Variants in MYCBP2 observed in about 807,000 individuals in gnomAD.
MYCBP2 encodes the protein MYC binding protein 2.
In MYCBP2, 120 loss-of-function variants were observed where a neutral mutation model predicts 525.3. That is an observed-to-expected ratio of 0.23 (90% CI 0.20 to 0.27). The LOEUF is 0.27. Among genes scored for constraint, MYCBP2 ranks in the 10% least tolerant of loss-of-function variants. MYCBP2 has a pLI of 1.00. For missense variants in MYCBP2, 4,149 were observed against 5,657.1 expected (o/e 0.73, Z 8.55); for synonymous variants, 1,894 against 1,955.8 (o/e 0.97, Z 0.83).
intron 80 of MYCBP2, among the ~76,000 whole-genome samples, chr13:77,054,228 G>A (rs777031627): frequency 3.3e-5 from 5 of 152,196 alleles, no homozygotes; most frequent in Non-Finnish European, 5.9e-5. Context: ...CTGTGCAATG[G>A]CATGGGGGTG....
rs1369377745 is a variant in MYCBP2 at position 77,217,849 on chromosome 13, T to C, written c.3048A>G (p.Gly1016=). The C allele has an allele frequency of 6.3e-7, 1 of 1,599,848 alleles. No individual in the cohort carries two copies. Among genetic ancestry groups the C allele is most frequent in the East Asian group, 2.2e-5 (1 of 44,496 alleles). ...TTTAAAAATTCCTTACAGAAAAACT[T>C]CCAAATGTGAAGACCTGTCCATCCA... ...LLMDGQVFTF[G]SFSKGQLGRP... The change falls in exon 21 of 83, where the codon GGA becomes GGG. Residue 1016 remains glycine, a synonymous_variant. Transcript: ENST00000544440.
intron 21 of MYCBP2, among the ~76,000 whole-genome samples, chr13:77,216,916 G>GA (rs572396787): frequency 5.3e-5 from 8 of 151,366 alleles, no homozygotes; most frequent in South Asian, 2.1e-4. Flanking sequence ...AAGGATTTGA[G>GA]AAAAAAAAAT....
chr13:77,226,526 T>C (rs752168468), intron 18 of MYCBP2, among the ~76,000 whole-genome samples: 3 of 152,206 alleles, frequency 2.0e-5, no homozygotes, highest in Non-Finnish European at 2.9e-5. Flanking sequence ...GTTCAACTAG[T>C]CTAAACCACT....
At chr13:77,158,922 C>T (rs1232340549) in intron 44 of MYCBP2, among the ~76,000 whole-genome samples, 1 of 152,184 alleles carries the variant, frequency 6.6e-6, no homozygotes, top group Non-Finnish European at 1.5e-5. Flanking sequence ...GAAGAAGAGG[C>T]AGATAAAACA....
At chr13:77,112,773 G>A (rs978060356) in intron 55 of MYCBP2, among the ~76,000 whole-genome samples, 4 of 152,056 alleles carry the variant, frequency 2.6e-5, no homozygotes, top group Non-Finnish European at 5.9e-5. Context: ...TATTGTGCCA[G>A]TAATTCTCCT....
intron 55 of MYCBP2, among the ~76,000 whole-genome samples, chr13:77,106,354 A>C (rs2047850053): frequency 6.6e-6 from 1 of 152,142 alleles, no homozygotes; most frequent in Non-Finnish European, 1.5e-5. Flanking sequence ...ATGTTCTATA[A>C]TCAAGCTGTG....
Position 77,212,067 on chromosome 13 carries a change from C to G in MYCBP2, c.3151G>C (p.Ala1051Pro). The change falls in exon 22 of 83, where the codon GCT becomes CCT. Residue 1051 changes from alanine to proline, a missense_variant. By Grantham distance (27) the Ala-to-Pro change is conservative. Transcript: ENST00000544440. ...TCCCCACTTGCACCTATCCAAGTAG[C>G]TTTTCTTCCATATTTTGATCCAATG... ...PNIGSKYGRK[A>P]TWIGASGDQT... 6.2e-7 allele frequency: 1 copy of G among 1,614,080 alleles called. No homozygotes were observed. The highest frequency in any genetic ancestry group is 8.5e-7 in the Non-Finnish European group (1 of 1,179,960).
intron 49 of MYCBP2, among the ~76,000 whole-genome samples, chr13:77,141,914 T>C (rs993405913): frequency 5.3e-5 from 8 of 152,162 alleles, no homozygotes; most frequent in African/African-American, 1.4e-4. Flanking sequence ...AGCCCATTGA[T>C]GGCATCGGAG....
intron 20 of MYCBP2, among the ~76,000 whole-genome samples, chr13:77,224,100 C>T (rs2065943359): frequency 6.6e-6 from 1 of 152,172 alleles, no homozygotes; most frequent in East Asian, 1.9e-4. Context: ...GAATCCATTG[C>T]TGACATTTTT....
At chr13:77,242,555 A>T (rs907662602) in intron 17 of MYCBP2, among the ~76,000 whole-genome samples, 1 of 152,206 alleles carries the variant, frequency 6.6e-6, no homozygotes, top group Non-Finnish European at 1.5e-5. Context: ...AGGTTTTTCC[A>T]AAAAAGGACA....
chr13:77,224,816 T>C (rs1024264496), intron 19 of MYCBP2, among the ~76,000 whole-genome samples: 2 of 152,164 alleles, frequency 1.3e-5, no homozygotes, highest in Non-Finnish European at 2.9e-5. Context: ...TCAGGTCAAC[T>C]GTAAAATCTT....
At chr13:77,243,296 A>C in intron 16 of MYCBP2, 136 bp from the exon 17 acceptor site, 1 of 718,776 alleles carries the variant, frequency 1.4e-6, no homozygotes, top group South Asian at 1.8e-5. Context: ...TACTTTAATA[A>C]TTCTTAGCCA....
At chr13:77,113,525 T>G (rs1468180830) in intron 55 of MYCBP2, among the ~76,000 whole-genome samples, 1 of 151,796 alleles carries the variant, frequency 6.6e-6, no homozygotes, top group Non-Finnish European at 1.5e-5. Context: ...AAGATGGTAA[T>G]GAAGGGTGAA....
At chr13:77,306,943 A>G (rs1035149775) in intron 1 of MYCBP2, among the ~76,000 whole-genome samples, 2 of 152,204 alleles carry the variant, frequency 1.3e-5, no homozygotes, top group Non-Finnish European at 2.9e-5. Flanking sequence ...TCATTAAAAT[A>G]TCTGCAGGGA....
At chr13:77,207,296 T>C (rs1427219495) in intron 23 of MYCBP2, among the ~76,000 whole-genome samples, 3 of 152,192 alleles carry the variant, frequency 2.0e-5, no homozygotes, top group East Asian at 1.9e-4. Flanking sequence ...ACAGATAGAA[T>C]GGATGTGGAT....
intron 72 of MYCBP2, 60 bp from the exon 73 acceptor site, chr13:77,064,794 C>CT: frequency 7.0e-7 from 1 of 1,431,218 alleles, no homozygotes; most frequent in Non-Finnish European, 9.3e-7. Flanking sequence ...ATAGTAAACT[C>CT]TTTTTTCTTA....
In MYCBP2 at chr13:77,098,215, T is replaced by G. The variant is rs751681934; in HGVS notation, c.8939A>C (p.Gln2980Pro). ...SIGKAPLKDE[Q>P]EMRASPKISR... Reference sequence around the variant, plus strand: ...TATTTTGGGAGATGCTCTCATTTCCTGTTCATCTTTCAGTGGTGCTTTTCC... The same window carrying G: ...TATTTTGGGAGATGCTCTCATTTCCGGTTCATCTTTCAGTGGTGCTTTTCC... Residue 2980 changes from glutamine (Q) to proline (P), a missense_variant, in exon 56 of 83, where the codon CAG becomes CCG. By Grantham distance (76) the Gln-to-Pro change is moderately conservative. Around this residue, in one of 21 missense-constraint regions of MYCBP2, gnomAD observed 653 missense variants for 744.7 expected, o/e 0.88. Transcript: ENST00000544440. 1 of 1,613,666 alleles carries G rather than the reference T, an allele frequency of 6.2e-7. No individual in the cohort carries two copies. The highest frequency in any genetic ancestry group is 1.1e-5 in the South Asian group (1 of 91,082).
intron 13 of MYCBP2, 141 bp downstream of exon 13, chr13:77,260,287 C>T (rs948417501): frequency 1.3e-5 from 8 of 606,470 alleles, no homozygotes; most frequent in South Asian, 2.8e-5. Context: ...ATTTCTCTTT[C>T]GAAATATTTC....
At chr13:77,276,670 T>G (rs2075627179) in intron 4 of MYCBP2, among the ~76,000 whole-genome samples, 1 of 151,994 alleles carries the variant, frequency 6.6e-6, no homozygotes, top group Non-Finnish European at 1.5e-5. Context: ...TTGGGGGTTT[T>G]TTTTTTGGTA....
Sources: gnomAD v4.1 joint callset for allele counts (sites outside exome capture counted in the v4.1 genomes callset) on GRCh38, gnomAD v4.1.1 for gene constraint, gnomAD v4.1.1 regional missense constraint, MANE v1.5 for transcripts, NCBI Gene and HGNC (gene_info 2026-07-23, HGNC 2026-07-21) for gene names.